CPED1: variants seen among roughly 807,000 people sequenced by gnomAD.
CPED1 encodes the protein cadherin like and PC-esterase domain containing 1.
In CPED1, 114 loss-of-function variants were observed where a neutral mutation model predicts 128.2. The observed-to-expected ratio is 0.89, with a 90% CI of 0.76 to 1.04. The LOEUF is 1.04. CPED1 is among the 50% of genes least tolerant of loss of function. The pLI is 0.00. For synonymous variants in CPED1, 462 were observed against 426.7 expected (o/e 1.08, Z -1.02); for missense variants, 1,211 against 1,207.1 (o/e 1.00, Z -0.05).
intron 22 of CPED1, among the ~76,000 whole-genome samples, chr7:121,287,480 G>GA (rs1792609198): frequency 6.6e-6 from 1 of 152,126 alleles, no homozygotes; most frequent in Admixed American, 6.6e-5. Flanking sequence ...AGAAATCAAA[G>GA]AGGAAGCACC....
chr7:121,184,454 CA>C (rs964896243), intron 16 of CPED1, among the ~76,000 whole-genome samples: 2 of 152,144 alleles, frequency 1.3e-5, no homozygotes, highest in African/African-American at 4.8e-5. Context: ...TTCTGAGTTT[CA>C]CCACACCTAT....
chr7:121,253,465 TAATAA>T (rs1267357241), intron 18 of CPED1, among the ~76,000 whole-genome samples: 1 of 148,602 alleles, frequency 6.7e-6, no homozygotes, highest in Non-Finnish European at 1.5e-5. Context: ...AGTATAATAA[TAATAA>T]AATAAAAAAA....
intron 16 of CPED1, among the ~76,000 whole-genome samples, chr7:121,182,053 C>G (rs560240345): frequency 6.6e-6 from 1 of 152,162 alleles, no homozygotes; most frequent in East Asian, 1.9e-4. Context: ...GCTTACTTCC[C>G]TCATAAAACT....
At position 121,141,965 on chromosome 7, in the gene CPED1, C is replaced by T. The variant is rs1184512976; in HGVS notation, c.1887-8C>T. ...ATATTCTATTTCTCTCTCCCTCTTT[C>T]TCTCCAGCTTTGCCAGCTACCCTCT... is the stretch of plus-strand genomic sequence containing the variant. On this transcript the variant is annotated splice_region_variant and splice_polypyrimidine_tract_variant and intron_variant, in intron 15 of 22. Coordinates refer to ENST00000310396, the MANE Select transcript of CPED1 (RefSeq NM_024913.5). The T allele has an allele frequency of 6.2e-7, 1 of 1,609,696 alleles. No homozygotes were observed. The highest frequency in any genetic ancestry group is 1.3e-5 in the African/African-American group (1 of 74,766).
At chr7:121,284,056 G>A in intron 22 of CPED1, among the ~76,000 whole-genome samples, 1 of 152,144 alleles carries the variant, frequency 6.6e-6, no homozygotes, top group Non-Finnish European at 1.5e-5. Context: ...AAAGGAAAGA[G>A]GTTTAATTGA....
chr7:121,077,535 C>T (rs1472236416), intron 5 of CPED1, among the ~76,000 whole-genome samples: 1 of 151,922 alleles, frequency 6.6e-6, no homozygotes, highest in East Asian at 1.9e-4. Context: ...AATTATTGCA[C>T]ATTTATTGGT....
In CPED1 at chr7:121,050,789, G is replaced by A. The variant is rs1793329544; in HGVS notation, c.540+3796G>A. 6.6e-6 allele frequency: 3 copies of A among 457,298 alleles called. 1 individual carries two copies. The highest frequency in any genetic ancestry group is 3.1e-5 in the South Asian group (2 of 64,492). 28.3% of individuals were successfully genotyped at this position (457,298 alleles called of 1,614,324 possible). On this transcript the variant is annotated intron_variant, in intron 4 of 22. Coordinates refer to ENST00000310396, the MANE Select transcript of CPED1 (RefSeq NM_024913.5). ...ACAGGTTGTCTTAAGTAGCTTTCTG[G>A]TGGGTCTCAGCAGCTCAGGCGGCGG...
chr7:121,120,006 G>T (rs1388144454), intron 7 of CPED1, among the ~76,000 whole-genome samples: 1 of 152,116 alleles, frequency 6.6e-6, no homozygotes. Flanking sequence ...CCTTTTTAAG[G>T]CTGAATAATA....
At chr7:121,163,571 T>C (rs1432458491) in intron 16 of CPED1, among the ~76,000 whole-genome samples, 1 of 152,154 alleles carries the variant, frequency 6.6e-6, no homozygotes, top group East Asian at 1.9e-4. Context: ...CTATCTTACT[T>C]GTGTCATTTG....
chr7:121,029,732 A>G (rs1227975677), intron 3 of CPED1, among the ~76,000 whole-genome samples: 2 of 152,194 alleles, frequency 1.3e-5, no homozygotes, highest in Non-Finnish European at 2.9e-5. Flanking sequence ...CATGATTACC[A>G]CATGATAAAA....
At chr7:121,220,716 T>C (rs1394058656) in intron 16 of CPED1, among the ~76,000 whole-genome samples, 2 of 152,060 alleles carry the variant, frequency 1.3e-5, no homozygotes, top group Non-Finnish European at 2.9e-5. Flanking sequence ...TGGTGAAATA[T>C]TGAAGCATGT....
intron 3 of CPED1, among the ~76,000 whole-genome samples, chr7:121,024,954 C>T (rs774386177): frequency 7.9e-5 from 12 of 152,140 alleles, no homozygotes; most frequent in Non-Finnish European, 1.6e-4. Flanking sequence ...TCCAGTTTAG[C>T]TGTTTGAAGT....
chr7:121,157,895 A>G lies in CPED1; in HGVS notation c.2055+15754A>G, dbSNP rs536945948. ...CCCTCCCTGGCTGAAAAAGTTCCCCATTTCTTCTTTAGAATATTCTTTATA... is the reference window on the plus strand; with the variant it reads ...CCCTCCCTGGCTGAAAAAGTTCCCCGTTTCTTCTTTAGAATATTCTTTATA... On this transcript the variant is annotated intron_variant, in intron 16 of 22. Coordinates refer to ENST00000310396, the MANE Select transcript of CPED1 (RefSeq NM_024913.5). Among the ~76,000 whole-genome samples the G allele has an allele frequency of 1.7e-3, 264 of 152,030 alleles. 1 individual carries two copies. Among genetic ancestry groups the G allele is most frequent in the African/African-American group, 5.9e-3 (244 of 41,464 alleles).
chr7:121,030,531 C>G (rs1334429733), intron 3 of CPED1, among the ~76,000 whole-genome samples: 1 of 152,214 alleles, frequency 6.6e-6, no homozygotes, highest in Admixed American at 6.5e-5. Context: ...GTAGATGCCC[C>G]CTACCCTTTG....
intron 21 of CPED1, among the ~76,000 whole-genome samples, chr7:121,270,857 C>A (rs1243296172): frequency 6.6e-6 from 1 of 151,904 alleles, no homozygotes; most frequent in African/African-American, 2.4e-5. Flanking sequence ...GTTATTAGGG[C>A]TCTTTTTTGG....
At chr7:121,009,291 C>T (rs948709823) in intron 2 of CPED1, among the ~76,000 whole-genome samples, 4 of 151,684 alleles carry the variant, frequency 2.6e-5, no homozygotes, top group African/African-American at 4.8e-5. Flanking sequence ...GAGAGAGAGG[C>T]TGAGGAAAAA....
At chr7:121,221,887 T>G (rs964897059) in intron 16 of CPED1, among the ~76,000 whole-genome samples, 2 of 152,196 alleles carry the variant, frequency 1.3e-5, no homozygotes, top group Non-Finnish European at 2.9e-5. Context: ...TTGCAAAAAT[T>G]TTCTCCCATT....
chr7:121,147,733 A>G (rs767514713), intron 16 of CPED1, among the ~76,000 whole-genome samples: 3 of 152,188 alleles, frequency 2.0e-5, no homozygotes, highest in Admixed American at 1.3e-4. Flanking sequence ...CTTGGAGACT[A>G]TGTTTCACAG....
At chr7:121,081,861 A>G (rs1025571178) in intron 5 of CPED1, among the ~76,000 whole-genome samples, 1 of 152,188 alleles carries the variant, frequency 6.6e-6, no homozygotes, top group South Asian at 2.1e-4. Flanking sequence ...AACTTATCGT[A>G]TGTCAAACAC....
Sources: gnomAD v4.1 joint callset for allele counts (sites outside exome capture counted in the v4.1 genomes callset) on GRCh38, gnomAD v4.1.1 for gene constraint, MANE v1.5 for transcripts, NCBI Gene and HGNC (gene_info 2026-07-23, HGNC 2026-07-21) for gene names.